Variants in ATAD2B observed in about 807,000 individuals in gnomAD.
ATAD2B encodes ATPase family AAA domain-containing protein 2B.
In ATAD2B, 40 loss-of-function variants were observed where a neutral mutation model predicts 167.6. The observed-to-expected ratio is 0.24, with a 90% CI of 0.19 to 0.31. The LOEUF is 0.31. Among genes scored for constraint, ATAD2B ranks in the 10% least tolerant of loss-of-function variants. ATAD2B has a pLI of 1.00. For missense variants in ATAD2B, 1,242 were observed against 1,757.2 expected (o/e 0.71, Z 5.24); for synonymous variants, 579 against 596.5 (o/e 0.97, Z 0.43).
chr2:23,790,078 T>C (rs1413759432), intron 19 of ATAD2B, among the ~76,000 whole-genome samples: 1 of 152,176 alleles, frequency 6.6e-6, no homozygotes, highest in Non-Finnish European at 1.5e-5. Flanking sequence ...CATGCACAGT[T>C]CCCTCCAACC....
intron 1 of ATAD2B, among the ~76,000 whole-genome samples, chr2:23,921,060 G>T (rs906170941): frequency 6.6e-6 from 1 of 152,014 alleles, no homozygotes; most frequent in Middle Eastern, 3.4e-3. Context: ...ACAAAAATTA[G>T]CCAGGTGTGG....
chr2:23,764,996 C>T (rs1677214997), intron 23 of ATAD2B, among the ~76,000 whole-genome samples: 1 of 152,212 alleles, frequency 6.6e-6, no homozygotes, highest in Non-Finnish European at 1.5e-5. Flanking sequence ...CCACACTGTA[C>T]TTGATTGGTT....
At chr2:23,843,184 C>T (rs1243178256) in intron 13 of ATAD2B, among the ~76,000 whole-genome samples, 1 of 152,034 alleles carries the variant, frequency 6.6e-6, no homozygotes. Context: ...AATGTAAGTC[C>T]TAGGACTGAA....
chr2:23,891,649 T>A (rs1279887803), intron 2 of ATAD2B, among the ~76,000 whole-genome samples: 2 of 151,476 alleles, frequency 1.3e-5, no homozygotes, highest in African/African-American at 4.9e-5. Flanking sequence ...CCACCACACC[T>A]GGCTAATTTT....
In ATAD2B at chr2:23,757,522, T is replaced by C; in HGVS notation, c.3974A>G (p.His1325Arg). The change falls in exon 25 of 28, where the codon CAT (histidine) becomes CGT (arginine). Residue 1325 changes from histidine to arginine, a missense_variant. This residue lies in a region of ATAD2B where 282 missense variants were observed against 346.8 expected (regional missense o/e 0.81). Coordinates refer to ENST00000238789, the MANE Select transcript of ATAD2B (RefSeq NM_017552.4). ...KEKPETSTENHGDDLEKLEAL... is the reference protein window; with the variant it reads ...KEKPETSTENRGDDLEKLEAL... Reference sequence around the variant, plus strand: ...CTCTAGTTTCTCAAGATCATCTCCATGATTTTCAGTCGAAGTTTCTGGTTT... The same window carrying C: ...CTCTAGTTTCTCAAGATCATCTCCACGATTTTCAGTCGAAGTTTCTGGTTT... 3 of 1,588,838 alleles carry C rather than the reference T, an allele frequency of 1.9e-6. No homozygotes were observed. The highest frequency in any genetic ancestry group is 1.2e-5 in the South Asian group (1 of 85,544).
intron 22 of ATAD2B, among the ~76,000 whole-genome samples, chr2:23,770,821 C>T (rs1297642307): frequency 2.0e-5 from 3 of 152,112 alleles, no homozygotes; most frequent in Admixed American, 1.3e-4. Flanking sequence ...GACTCTAGGT[C>T]CTTTTCATCC....
the ATAD2B span, among the ~76,000 whole-genome samples, chr2:23,736,854 C>CT: frequency 6.6e-6 from 1 of 152,182 alleles, no homozygotes; most frequent in Admixed American, 6.5e-5. Context: ...TAATACTGCG[C>CT]TTTTCCAACG....
chr2:23,847,667 T>G (rs115536373), intron 13 of ATAD2B, among the ~76,000 whole-genome samples: 1 of 149,116 alleles, frequency 6.7e-6, no homozygotes, highest in Non-Finnish European at 1.5e-5. Flanking sequence ...AACAAAGCTG[T>G]TTTTGCTTTT....
At chr2:23,879,893 GA>G (rs1339228329) in intron 7 of ATAD2B, among the ~76,000 whole-genome samples, 2 of 151,666 alleles carry the variant, frequency 1.3e-5, no homozygotes, top group Non-Finnish European at 2.9e-5. Flanking sequence ...TGTCTCTACT[GA>G]AAAAAATATA....
At chr2:23,874,851 T>A (rs962575812) in intron 8 of ATAD2B, among the ~76,000 whole-genome samples, 16 of 151,486 alleles carry the variant, frequency 1.1e-4, no homozygotes, top group Non-Finnish European at 1.8e-4. Flanking sequence ...GGTCAGGAGA[T>A]CGAGACCATC....
chr2:23,922,701 C>CAAAAGAAAAAAAAA (rs1704123017), intron 1 of ATAD2B, among the ~76,000 whole-genome samples: 1 of 126,484 alleles, frequency 7.9e-6, no homozygotes, highest in African/African-American at 3.2e-5. Context: ...GACTCTGTCT[C>CAAAAGAAAAAAAAA]AAAAAAAAAA....
the ATAD2B span, among the ~76,000 whole-genome samples, chr2:23,734,519 C>T: frequency 5.9e-5 from 9 of 152,198 alleles, no homozygotes; most frequent in East Asian, 9.7e-4. Context: ...GCAGGCTGTA[C>T]AGGAAGCATG....
At chr2:23,709,202 C>T in the ATAD2B span, among the ~76,000 whole-genome samples, 7 of 152,044 alleles carry the variant, frequency 4.6e-5, no homozygotes, top group Admixed American at 2.6e-4. Context: ...CCACCACACC[C>T]GGCTAATTTT....
intron 1 of ATAD2B, chr2:23,900,727 C>G (rs754932057): frequency 6.6e-6 from 1 of 152,252 alleles, no homozygotes; most frequent in Non-Finnish European, 1.5e-5. Context: ...AAGGGCCTGT[C>G]TCAATCGGCT....
the ATAD2B span, among the ~76,000 whole-genome samples, chr2:23,735,719 C>T: frequency 1.3e-4 from 20 of 152,260 alleles, no homozygotes; most frequent in Middle Eastern, 6.8e-3. Flanking sequence ...TGTCTTATGA[C>T]GCAAGTGGTC....
At chr2:23,758,182 A>C in intron 24 of ATAD2B, 81 bp from the exon 25 acceptor site, 2 of 1,153,144 alleles carry the variant, frequency 1.7e-6, no homozygotes, top group Non-Finnish European at 2.4e-6. Context: ...AACAGGACCC[A>C]AAAGAAAGTA....
In ATAD2B at chr2:23,749,077, A is replaced by G. The variant is rs889742915; in HGVS notation, c.*2969T>C. The G allele has an allele frequency of 6.6e-6, 1 of 152,128 alleles. No homozygotes were observed. Among genetic ancestry groups the G allele is most frequent in the African/African-American group, 2.4e-5 (1 of 41,440 alleles). 9.4% of individuals were successfully genotyped at this position (152,128 alleles called of 1,614,324 possible). ...CACCATAGCTGAACCAACTTAATCAAAAAAGGGAAGAAATTACCCACTCCC... is the reference window on the plus strand; with the variant it reads ...CACCATAGCTGAACCAACTTAATCAGAAAAGGGAAGAAATTACCCACTCCC... On this transcript the variant is annotated 3_prime_UTR_variant, in exon 28 of 28. Transcript: ENST00000238789.
At chr2:23,740,088 C>T in the ATAD2B span, among the ~76,000 whole-genome samples, 15 of 152,144 alleles carry the variant, frequency 9.9e-5, no homozygotes, top group Non-Finnish European at 2.2e-4. Context: ...AACTCCAGGA[C>T]CAGATGGATT....
At chr2:23,872,822 G>T in intron 8 of ATAD2B, 2 of 1,010,578 alleles carry the variant, frequency 2.0e-6, no homozygotes, top group Non-Finnish European at 1.6e-6. Flanking sequence ...GGTCCAGATT[G>T]CTCTCTTCTG....
Sources: gnomAD v4.1 joint callset for allele counts (sites outside exome capture counted in the v4.1 genomes callset) on GRCh38, gnomAD v4.1.1 for gene constraint, gnomAD v4.1.1 regional missense constraint, MANE v1.5 for transcripts, NCBI Gene and HGNC (gene_info 2026-07-23, HGNC 2026-07-21) for gene names.